The following SNX8 variants were observed in gnomAD, a reference collection of about 807,000 sequenced individuals.
SNX8 encodes the protein sorting nexin-8.
Under a neutral mutation model 51.6 loss-of-function variants are expected in SNX8, and 25 were observed. The observed-to-expected ratio is 0.48, with a 90% CI of 0.35 to 0.68. SNX8 has a LOEUF of 0.68. Ranked by LOEUF, SNX8 falls within the 30% of genes least tolerant of loss-of-function variation. The pLI is 0.00. For missense variants in SNX8, 695 were observed against 624.0 expected (o/e 1.11, Z -1.21); for synonymous variants, 324 against 277.0 (o/e 1.17, Z -1.68).
chr7:2,264,027 T>A (rs564088712), intron 6 of SNX8, among the ~76,000 whole-genome samples: 1 of 152,052 alleles, frequency 6.6e-6, no homozygotes, highest in African/African-American at 2.4e-5. Context: ...GATCTTTTTT[T>A]AAAGTCTCAT....
At chr7:2,275,066 T>G (rs1012885240) in intron 3 of SNX8, 46 bp downstream of exon 3, 16 of 1,313,842 alleles carry the variant, frequency 1.2e-5, no homozygotes, top group Non-Finnish European at 1.4e-5. Context: ...GTCCAGGAGA[T>G]GGGCTCGCTC....
chr7:2,270,342 G>A (rs1206950053), intron 4 of SNX8, among the ~76,000 whole-genome samples: 2,749 of 23,480 alleles, frequency 0.12, 1 homozygote, highest in Non-Finnish European at 0.16. Context: ...AAAAAAAAAA[G>A]ACCTGAGGCC....
upstream of SNX8, among the ~76,000 whole-genome samples, chr7:2,319,081 G>A (rs993968260): frequency 6.6e-6 from 1 of 152,174 alleles, no homozygotes. Context: ...GCTCACGCCT[G>A]TAACCCCAGC....
At chr7:2,276,742 C>G (rs925259114) in intron 2 of SNX8, among the ~76,000 whole-genome samples, 22 of 151,636 alleles carry the variant, frequency 1.5e-4, no homozygotes, top group Non-Finnish European at 5.9e-5. Context: ...CCCAGGAGCT[C>G]AAGACCAGCC....
intron 1 of SNX8, among the ~76,000 whole-genome samples, chr7:2,289,127 C>A (rs748755932): frequency 6.6e-6 from 1 of 152,188 alleles, no homozygotes; most frequent in Non-Finnish European, 1.5e-5. Flanking sequence ...CTGTTGTGCA[C>A]GTGGCTGTGG....
chr7:2,302,940 G>T (rs1032752100), intron 1 of SNX8, among the ~76,000 whole-genome samples: 6 of 150,242 alleles, frequency 4.0e-5, no homozygotes, highest in Non-Finnish European at 7.4e-5. Flanking sequence ...GAGCCTCTCC[G>T]CCCAGCAGCC....
chr7:2,349,948 A>C (rs1779106743), intron 1 of SNX8, among the ~76,000 whole-genome samples: 1 of 152,138 alleles, frequency 6.6e-6, no homozygotes, highest in Admixed American at 6.6e-5. Flanking sequence ...CCAGCCCAGC[A>C]TGAGGCTCCC....
intron 7 of SNX8, among the ~76,000 whole-genome samples, chr7:2,260,593 T>A (rs921071352): frequency 1.3e-5 from 2 of 152,072 alleles, no homozygotes; most frequent in African/African-American, 4.8e-5. Flanking sequence ...TACCTTCAGC[T>A]CCTAATAGGT....
intron 1 of SNX8, among the ~76,000 whole-genome samples, chr7:2,340,466 A>G (rs1163613652): frequency 3.3e-5 from 5 of 149,894 alleles, no homozygotes; most frequent in African/African-American, 1.2e-4. Flanking sequence ...TCAAAATTCT[A>G]TTTTTCCCTG....
intron 5 of SNX8, among the ~76,000 whole-genome samples, 167 bp from the exon 6 acceptor site, chr7:2,264,625 A>G (rs1352910210): frequency 1.3e-5 from 2 of 152,214 alleles, no homozygotes; most frequent in African/African-American, 4.8e-5. Flanking sequence ...TGTGTGTCCA[A>G]AAAAGAAACA....
intron 1 of SNX8, among the ~76,000 whole-genome samples, chr7:2,300,099 T>C (rs1796359053): frequency 6.6e-6 from 1 of 152,058 alleles, no homozygotes; most frequent in African/African-American, 2.4e-5. Flanking sequence ...GGAAGAGAAA[T>C]ATTTAGTCAG....
In SNX8 at chr7:2,256,928, G is replaced by A. The variant is rs1795198141; in HGVS notation, c.1230C>T (p.Leu410=). The change falls in exon 10 of 11, where the codon CTC becomes CTT. Residue 410 remains leucine, a synonymous_variant. Transcript: ENST00000222990. ...CGAAGGCGCGGAGGATGTGGGAGGT[G>A]AGGGGCAGGTAGACGTGGATGAGCT... The part of the protein sequence containing the change: ...ETQLIHVYLP[L]TSHILRAFVN... The A allele has an allele frequency of 1.9e-6, 3 of 1,613,786 alleles. No individual in the cohort carries two copies. The highest frequency in any genetic ancestry group is 2.2e-5 in the East Asian group (1 of 44,864).
At chr7:2,302,786 C>T (rs1196882534) in intron 1 of SNX8, among the ~76,000 whole-genome samples, 3 of 151,708 alleles carry the variant, frequency 2.0e-5, no homozygotes, top group Non-Finnish European at 4.4e-5. Context: ...CGCCTCTGCC[C>T]GGCCGCGACC....
chr7:2,270,933 G>T (rs767033873), intron 4 of SNX8, among the ~76,000 whole-genome samples: 1 of 152,172 alleles, frequency 6.6e-6, no homozygotes. Flanking sequence ...GCCCCTCCCC[G>T]CACAGGGAGA....
intron 1 of SNX8, among the ~76,000 whole-genome samples, chr7:2,327,089 G>T (rs1778634187): frequency 6.6e-6 from 1 of 152,152 alleles, no homozygotes; most frequent in South Asian, 2.1e-4. Context: ...ACTCATAGGG[G>T]AGGATTCCTT....
chr7:2,316,079 G>T (rs541083888), upstream of SNX8, among the ~76,000 whole-genome samples: 6 of 114,778 alleles, frequency 5.2e-5, no homozygotes, highest in East Asian at 1.4e-3. Context: ...ACTCACTCAT[G>T]CACTTCATCC....
At chr7:2,345,535 G>C (rs370170437) in intron 1 of SNX8, among the ~76,000 whole-genome samples, 67 of 151,906 alleles carry the variant, frequency 4.4e-4, no homozygotes, top group Non-Finnish European at 8.4e-4. Context: ...AAAATTAGCC[G>C]GGCCTGCTGG....
At chr7:2,269,523 TAAA>T (rs375189373) in intron 5 of SNX8, 33 bp downstream of exon 5, 91 of 893,372 alleles carry the variant, frequency 1.0e-4, no homozygotes, top group Middle Eastern at 3.2e-4. Context: ...AAAAATAAAT[TAAA>T]AAAAAAAAAA....
intron 1 of SNX8, among the ~76,000 whole-genome samples, chr7:2,313,816 C>G (rs927235290): frequency 2.0e-5 from 3 of 152,220 alleles, no homozygotes; most frequent in Non-Finnish European, 4.4e-5. Flanking sequence ...TCTATAGATT[C>G]GGTTCACAGA....
Sources: gnomAD v4.1 joint callset for allele counts (sites outside exome capture counted in the v4.1 genomes callset) on GRCh38, gnomAD v4.1.1 for gene constraint, MANE v1.5 for transcripts, NCBI Gene and HGNC (gene_info 2026-07-23, HGNC 2026-07-21) for gene names.